Variants in ABHD2 observed in about 807,000 individuals in gnomAD.
The protein encoded by ABHD2 is abhydrolase domain containing 2, acylglycerol lipase.
In ABHD2, 20 loss-of-function variants were observed where a neutral mutation model predicts 48.1. The observed-to-expected ratio is 0.42, with a 90% CI of 0.29 to 0.60. The LOEUF (loss-of-function observed/expected upper bound fraction) is 0.60, where lower values mean the gene tolerates loss of function less well. ABHD2 is among the 20% of genes least tolerant of loss of function. The pLI is 0.24. For missense variants in ABHD2, 405 were observed against 550.9 expected (o/e 0.74, Z 2.65); for synonymous variants, 209 against 214.2 (o/e 0.98, Z 0.21).
intron 3 of ABHD2, among the ~76,000 whole-genome samples, chr15:89,148,039 G>A (rs2050524387): frequency 6.7e-6 from 1 of 148,904 alleles, no homozygotes; most frequent in African/African-American, 2.5e-5. Flanking sequence ...GAATCTGTTG[G>A]ACCCGGGAGG....
Position 89,091,441 on chromosome 15 carries a change from G to A in ABHD2, c.-107+2878G>A, listed in dbSNP as rs114205190. Reference sequence around the variant, plus strand: ...TTTCTTTGCTTGTGTATTAATATGGGCCCCTTTCTCTCTTTCTCACTCTCT... The same window carrying A: ...TTTCTTTGCTTGTGTATTAATATGGACCCCTTTCTCTCTTTCTCACTCTCT... On this transcript the variant is annotated intron_variant, in intron 1 of 10. Transcript: ENST00000352732. This position sits in a 1 kb window ranked among gnomAD's most constrained non-coding sequence, Gnocchi z 5.5. Among the ~76,000 whole-genome samples, 485 of 152,158 alleles carry A rather than the reference G, an allele frequency of 3.2e-3. No homozygotes were observed. Among genetic ancestry groups the A allele is most frequent in the African/African-American group, 0.01 (430 of 41,510 alleles).
At chr15:89,156,622 C>T (rs909967335) in intron 5 of ABHD2, among the ~76,000 whole-genome samples, 1 of 151,722 alleles carries the variant, frequency 6.6e-6, no homozygotes, top group Non-Finnish European at 1.5e-5. Context: ...CCTGTAATCC[C>T]AGCTATTCAG....
At chr15:89,158,356 G>T (rs1436571908) in intron 5 of ABHD2, among the ~76,000 whole-genome samples, 1 of 152,250 alleles carries the variant, frequency 6.6e-6, no homozygotes, top group African/African-American at 2.4e-5. Context: ...GGTCTGTATA[G>T]TCTAGGCCTC....
At chr15:89,071,731 G>A in the ABHD2 span, among the ~76,000 whole-genome samples, 1 of 152,276 alleles carries the variant, frequency 6.6e-6, no homozygotes, top group Non-Finnish European at 1.5e-5. Context: ...CTAGCTCAGA[G>A]CACACACTCA....
At position 89,113,364 on chromosome 15, in the gene ABHD2, C is replaced by G. The variant is rs142072840; in HGVS notation, c.-106-361C>G. On this transcript the variant is annotated intron_variant, in intron 1 of 10. Coordinates refer to ENST00000352732, the MANE Select transcript of ABHD2 (RefSeq NM_152924.5). ...CTGGCTGTGCTGTCTCGATCTCAAG[C>G]CTTGCTAAGTTATTTCATTGGTCAC... Among the ~76,000 whole-genome samples the G allele has an allele frequency of 1.3e-3, 194 of 152,326 alleles. 1 individual carries two copies. The highest frequency in any genetic ancestry group is 2.0e-3 in the Non-Finnish European group (133 of 68,032).
rs2051399538 is a variant in ABHD2 at position 89,196,196 on chromosome 15, AAC to A, written c.*775_*776del. ...TGTTCAACAGCGCCCTTAAATTGGA[AAC>A]ATCTTTGCAGCTCGTTTTATTGAAA... On this transcript the variant is annotated 3_prime_UTR_variant, in exon 11 of 11. Coordinates refer to ENST00000352732, the MANE Select transcript of ABHD2 (RefSeq NM_152924.5). The A allele has an allele frequency of 6.6e-6, 1 of 152,216 alleles. No individual in the cohort carries two copies. The highest frequency in any genetic ancestry group is 2.1e-4 in the South Asian group (1 of 4,828). The allele number at this position is 152,216 out of a possible 1,614,324, so 9.4% of individuals were successfully genotyped here. A position where few individuals can be genotyped will look rare whatever the true frequency, so the allele number is the denominator to read the frequency against.
At chr15:89,170,020 T>G (rs2050896147) in intron 5 of ABHD2, among the ~76,000 whole-genome samples, 1 of 146,106 alleles carries the variant, frequency 6.8e-6, no homozygotes, top group Non-Finnish European at 1.5e-5. Flanking sequence ...AGCCCCACTG[T>G]TTCACCCCTT....
At position 89,116,009 on chromosome 15, in the gene ABHD2, C is replaced by T. The variant is rs1046450748; in HGVS notation, c.-6-313C>T. ...TCGACTGATCTTATTTTTCCCCCTC[C>T]GATAAAGGACACTATTCTTAGCATT... is the stretch of plus-strand genomic sequence containing the variant. On this transcript the variant is annotated intron_variant, in intron 2 of 10. Coordinates refer to ENST00000352732, the MANE Select transcript of ABHD2 (RefSeq NM_152924.5). This position sits in a 1 kb window ranked among gnomAD's most constrained non-coding sequence, Gnocchi z 4.6. Among the ~76,000 whole-genome samples the T allele has an allele frequency of 6.6e-6, 1 of 152,166 alleles. No individual in the cohort carries two copies. The highest frequency in any genetic ancestry group is 2.4e-5 in the African/African-American group (1 of 41,442).
At chr15:89,042,777 G>C in the ABHD2 span, among the ~76,000 whole-genome samples, 1 of 151,814 alleles carries the variant, frequency 6.6e-6, no homozygotes, top group South Asian at 2.1e-4. Flanking sequence ...CTCCCAAGTA[G>C]CTGGGACTAC....
chr15:89,143,439 G>C lies in ABHD2; in HGVS notation c.195-8238G>C, dbSNP rs963231113. On this transcript the variant is annotated intron_variant, in intron 3 of 10. Coordinates refer to ENST00000352732, the MANE Select transcript of ABHD2 (RefSeq NM_152924.5). The stretch of plus-strand genomic sequence containing the variant: ...TCCCAGCACTTTGGGAGGCCGAGGC[G>C]GGTGGATCACCTGAGGTCGGGAGTT... 3.9e-5 allele frequency among the ~76,000 whole-genome samples: 6 copies of C among 152,224 alleles called. No homozygotes were observed. In the South Asian group the frequency reaches 1.2e-3, roughly 32 times the overall value.
chr15:89,189,175 T>A lies in ABHD2; in HGVS notation c.926+872T>A, dbSNP rs1416241637. Among the ~76,000 whole-genome samples the A allele has an allele frequency of 2.0e-5, 3 of 152,168 alleles. No homozygotes were observed. Among genetic ancestry groups the A allele is most frequent in the African/African-American group, 7.2e-5 (3 of 41,448 alleles). On this transcript the variant is annotated intron_variant, in intron 8 of 10. Coordinates refer to ENST00000352732, the MANE Select transcript of ABHD2 (RefSeq NM_152924.5). The surrounding 1 kb of genome is among the most constrained non-coding windows in gnomAD (Gnocchi z 4.9). ...GATCTCATCATTCTCTTTAAATACG[T>A]GATCCTTTTCATTTAACAATCATTT...
rs1274210584 is a variant in ABHD2 at position 89,177,567 on chromosome 15, G to T, written c.722+1572G>T. ...TTAGTTACGTTTAGCAGTCCCCGGG[G>T]TTAGTGACCTCAGTGGTCTCTCCAG... is the stretch of plus-strand genomic sequence containing the variant. On this transcript the variant is annotated intron_variant, in intron 6 of 10. Coordinates refer to ENST00000352732, the MANE Select transcript of ABHD2 (RefSeq NM_152924.5). This position sits in a 1 kb window ranked among gnomAD's most constrained non-coding sequence, Gnocchi z 5.6. Among the ~76,000 whole-genome samples, 1 of 152,182 alleles carries T rather than the reference G, an allele frequency of 6.6e-6. No homozygotes were observed. The highest frequency in any genetic ancestry group is 1.5e-5 in the Non-Finnish European group (1 of 68,036).
intron 2 of ABHD2, 62 bp downstream of exon 2, chr15:89,113,886 A>G (rs2049914590): frequency 6.6e-6 from 1 of 152,220 alleles, no homozygotes; most frequent in Admixed American, 6.5e-5. Flanking sequence ...AGCAGTGAAT[A>G]GAAGTGGGAA....
At chr15:89,133,693 T>TCTCTAAC (rs1395232089) in intron 3 of ABHD2, among the ~76,000 whole-genome samples, 58 of 152,336 alleles carry the variant, frequency 3.8e-4, no homozygotes, top group African/African-American at 1.3e-3. Flanking sequence ...TTTCTGATGG[T>TCTCTAAC]CATTGGTCTT....
rs1278009129 is a variant in ABHD2 at position 89,174,237 on chromosome 15, G to A, written c.539-1575G>A. Among the ~76,000 whole-genome samples the A allele has an allele frequency of 1.3e-5, 2 of 152,184 alleles. No homozygotes were observed. The highest frequency in any genetic ancestry group is 1.9e-4 in the East Asian group (1 of 5,204). ...GGGAAAAAAAGAGCCACCGAACAAT[G>A]TGTATGTTACCACTGGTATTTTTAA... On this transcript the variant is annotated intron_variant, in intron 5 of 10. Transcript: ENST00000352732. This position sits in a 1 kb window ranked among gnomAD's most constrained non-coding sequence, Gnocchi z 4.1.
chr15:89,098,913 C>G (rs1025114926), intron 1 of ABHD2, among the ~76,000 whole-genome samples: 1 of 152,216 alleles, frequency 6.6e-6, no homozygotes, highest in African/African-American at 2.4e-5. Context: ...AGAGAGGCCT[C>G]ATGGAGCTTC....
chr15:89,129,410 GA>G (rs1188985644), intron 3 of ABHD2, among the ~76,000 whole-genome samples: 1 of 152,220 alleles, frequency 6.6e-6, no homozygotes, highest in Admixed American at 6.5e-5. Flanking sequence ...ACCTTGGCCA[GA>G]AAGGATCAGG....
At chr15:89,099,072 G>A (rs969687226) in intron 1 of ABHD2, among the ~76,000 whole-genome samples, 2 of 152,124 alleles carry the variant, frequency 1.3e-5, no homozygotes, top group African/African-American at 4.8e-5. Context: ...CAGTTTCCTT[G>A]CCTGCATTAA....
At chr15:89,065,555 A>G in the ABHD2 span, among the ~76,000 whole-genome samples, 1 of 152,160 alleles carries the variant, frequency 6.6e-6, no homozygotes, top group Admixed American at 6.5e-5. Flanking sequence ...ACAAACAATG[A>G]TCTTAGACAT....
Sources: gnomAD v4.1 joint callset for allele counts (sites outside exome capture counted in the v4.1 genomes callset) on GRCh38, gnomAD v4.1.1 for gene constraint, Gnocchi (gnomAD v3.1) non-coding constraint, MANE v1.5 for transcripts, NCBI Gene and HGNC (gene_info 2026-07-23, HGNC 2026-07-21) for gene names.